The following OXR1 variants were observed in gnomAD, a reference collection of about 807,000 sequenced individuals.
The protein encoded by OXR1 is oxidation resistance protein 1.
In OXR1, 41 loss-of-function variants were observed where a neutral mutation model predicts 104.6. That is an observed-to-expected ratio of 0.39 (90% CI 0.31 to 0.51). The LOEUF (loss-of-function observed/expected upper bound fraction) is 0.51. OXR1 is among the 20% of genes least tolerant of loss of function. The pLI, the probability that OXR1 is intolerant of heterozygous loss-of-function variation, is 0.77. For synonymous variants in OXR1, 348 were observed against 348.4 expected, an observed-to-expected ratio of 1.00 and a Z score of 0.01; for missense variants, 955 against 1,031.9, an observed-to-expected ratio of 0.93 and a Z score of 1.02.
At chr8:106,436,050 A>C (rs1028196603) in intron 2 of OXR1, among the ~76,000 whole-genome samples, 2 of 152,140 alleles carry the variant, frequency 1.3e-5, no homozygotes, top group African/African-American at 4.8e-5. Context: ...CCAAGGAGAA[A>C]TTTAAAATAA....
intron 3 of OXR1, among the ~76,000 whole-genome samples, chr8:106,678,676 A>G (rs1415812904): frequency 6.6e-6 from 1 of 152,050 alleles, no homozygotes; most frequent in East Asian, 1.9e-4. Context: ...TAAATGTTCA[A>G]ATGTATGTTT....
intron 10 of OXR1, among the ~76,000 whole-genome samples, chr8:106,712,945 A>T (rs1831847493): frequency 6.6e-6 from 1 of 151,992 alleles, no homozygotes; most frequent in South Asian, 2.1e-4. Context: ...GTTAATATTC[A>T]TTACAAATTA....
chr8:106,311,262 A>G (rs887576998), intron 1 of OXR1, among the ~76,000 whole-genome samples: 2 of 151,922 alleles, frequency 1.3e-5, no homozygotes, highest in Admixed American at 6.6e-5. Flanking sequence ...ATGTCTTCTT[A>G]TATCGGTTAT....
chr8:106,702,228 G>C (rs937284064), intron 7 of OXR1, among the ~76,000 whole-genome samples: 1 of 152,104 alleles, frequency 6.6e-6, no homozygotes, highest in African/African-American at 2.4e-5. Context: ...CCAAAGTGCT[G>C]GGATTACAGG....
intron 2 of OXR1, among the ~76,000 whole-genome samples, chr8:106,407,798 A>G (rs1818297186): frequency 6.6e-6 from 1 of 152,172 alleles, no homozygotes; most frequent in Admixed American, 6.6e-5. Context: ...TTTTTCAATT[A>G]CATTTCCTCA....
intron 3 of OXR1, among the ~76,000 whole-genome samples, chr8:106,564,428 C>G (rs2130515998): frequency 6.6e-6 from 1 of 151,800 alleles, no homozygotes; most frequent in African/African-American, 2.4e-5. Flanking sequence ...CACACCCCCG[C>G]CCCACCACGA....
At chr8:106,645,959 T>G (rs3101528) in intron 3 of OXR1, among the ~76,000 whole-genome samples, 86,983 of 151,756 alleles carry the variant, frequency 0.57, 25,439 homozygotes, top group East Asian at 0.7. Context: ...ACAGCCCCAG[T>G]TATAGACTTT....
At chr8:106,351,786 A>G (rs1298560146) in intron 1 of OXR1, among the ~76,000 whole-genome samples, 2 of 152,210 alleles carry the variant, frequency 1.3e-5, no homozygotes, top group Non-Finnish European at 1.5e-5. Context: ...GATTGTCGTC[A>G]TCATCATTGT....
chr8:106,390,320 C>G (rs1177390737), intron 2 of OXR1, among the ~76,000 whole-genome samples: 1 of 152,112 alleles, frequency 6.6e-6, no homozygotes, highest in Non-Finnish European at 1.5e-5. Context: ...AAAACATCAG[C>G]CTTTCTAGAG....
At chr8:106,315,309 C>T (rs972638563) in intron 1 of OXR1, among the ~76,000 whole-genome samples, 2 of 152,032 alleles carry the variant, frequency 1.3e-5, no homozygotes, top group African/African-American at 4.8e-5. Context: ...TAGGACAAGG[C>T]ACAAAGCTAT....
chr8:106,628,680 C>G (rs1028485779), intron 3 of OXR1, among the ~76,000 whole-genome samples: 1 of 152,200 alleles, frequency 6.6e-6, no homozygotes, highest in African/African-American at 2.4e-5. Flanking sequence ...TGGACTCTTT[C>G]TAGATGTCCC....
At position 106,707,045 on chromosome 8, in the gene OXR1, C is replaced by A; in HGVS notation, c.1524C>A (p.Thr508=). Residue 508 remains threonine (T), a synonymous_variant, in exon 9 of 17, where the codon ACC becomes ACA. Coordinates refer to ENST00000517566, the MANE Select transcript of OXR1 (RefSeq NM_001198533.2). ...EAEELRKLWK[T]HTMQQTKQQR... ...AAGAGCTACGCAAACTTTGGAAAACCCATACTATGCAACAAACTAAACAGC... is the reference window on the plus strand; with the variant it reads ...AAGAGCTACGCAAACTTTGGAAAACACATACTATGCAACAAACTAAACAGC... 1 of 1,613,826 alleles carries A rather than the reference C, an allele frequency of 6.2e-7. No homozygotes were observed. Among genetic ancestry groups the A allele is most frequent in the Non-Finnish European group, 8.5e-7 (1 of 1,179,894 alleles).
chr8:106,434,571 A>T (rs1290407529), intron 2 of OXR1, among the ~76,000 whole-genome samples: 1 of 152,198 alleles, frequency 6.6e-6, no homozygotes, highest in Non-Finnish European at 1.5e-5. Context: ...AAGAAAAAAA[A>T]TTACTTTTCC....
intron 9 of OXR1, chr8:106,707,396 A>C: frequency 1.7e-6 from 1 of 600,342 alleles, no homozygotes. Context: ...GGCTCACTAC[A>C]TCGTATCATT....
At chr8:106,368,870 A>G (rs1189397815) in intron 2 of OXR1, among the ~76,000 whole-genome samples, 2 of 152,182 alleles carry the variant, frequency 1.3e-5, no homozygotes, top group African/African-American at 2.4e-5. Flanking sequence ...ATACTTGTGC[A>G]TGTGTCTTTA....
chr8:106,694,972 A>AT (rs1829849640), intron 7 of OXR1, among the ~76,000 whole-genome samples: 1 of 142,424 alleles, frequency 7.0e-6, no homozygotes, highest in East Asian at 2.0e-4. Flanking sequence ...TTACATGTAT[A>AT]TTATAATATA....
intron 3 of OXR1, among the ~76,000 whole-genome samples, chr8:106,581,866 A>C (rs1163129337): frequency 2.0e-5 from 3 of 151,864 alleles, no homozygotes; most frequent in Non-Finnish European, 4.4e-5. Flanking sequence ...TCTATTAAAA[A>C]TACAAAAATT....
At chr8:106,606,341 C>T (rs1178882104) in intron 3 of OXR1, among the ~76,000 whole-genome samples, 3 of 150,156 alleles carry the variant, frequency 2.0e-5, no homozygotes, top group Middle Eastern at 3.2e-3. Context: ...CACTCTGTTG[C>T]CCAGGCTGGA....
At chr8:106,336,129 T>G (rs1563724187) in intron 1 of OXR1, among the ~76,000 whole-genome samples, 1 of 152,102 alleles carries the variant, frequency 6.6e-6, no homozygotes, top group Non-Finnish European at 1.5e-5. Context: ...AAAGGCTAAT[T>G]TTAATGTTAA....
Sources: allele counts gnomAD v4.1 joint callset (sites outside exome capture counted in the v4.1 genomes callset), GRCh38; gene constraint gnomAD v4.1.1; transcripts MANE v1.5; gene names NCBI Gene and HGNC (gene_info 2026-07-23, HGNC 2026-07-21).